Variants in KCNG3 observed in about 807,000 individuals in gnomAD.
KCNG3 encodes the protein voltage-gated potassium channel regulatory subunit KCNG3.
A neutral mutation model predicts 29.0 loss-of-function variants in KCNG3; 15 were observed. The ratio of observed to expected loss-of-function variants is 0.52; its 90% CI spans 0.35 to 0.80. The LOEUF is 0.80. Among genes scored for constraint, KCNG3 ranks in the 30% least tolerant of loss-of-function variants. The pLI is 0.01. For synonymous variants in KCNG3, 322 were observed against 248.9 expected, an observed-to-expected ratio of 1.29 and a Z score of -2.76; for missense variants, 512 against 605.7, an observed-to-expected ratio of 0.85 and a Z score of 1.62.
At chr2:42,441,779 AAT>A (rs748883001), downstream of KCNG3, among the ~76,000 whole-genome samples, 11 of 150,124 alleles carry the variant, frequency 7.3e-5, no homozygotes, top group Non-Finnish European at 1.0e-4. Context: ...GTATGTATAA[AAT>A]ATATATATAT....
chr2:42,390,477 T>C, the KCNG3 span, among the ~76,000 whole-genome samples: 1 of 152,190 alleles, frequency 6.6e-6, no homozygotes, highest in Admixed American at 6.5e-5. Flanking sequence ...TAATATTTTG[T>C]TCCTGGATGT....
chr2:42,467,876 G>A (rs911743382), intron 1 of KCNG3, among the ~76,000 whole-genome samples: 5 of 151,096 alleles, frequency 3.3e-5, no homozygotes, highest in Non-Finnish European at 7.4e-5. Context: ...GAGCTGAGGT[G>A]GGAGGATCAC....
At chr2:42,419,229 T>C in the KCNG3 span, among the ~76,000 whole-genome samples, 1 of 102,730 alleles carries the variant, frequency 9.7e-6, no homozygotes, top group Admixed American at 9.6e-5. Context: ...CTTTTTTTTT[T>C]TTTTTTTTTT....
chr2:42,472,801 T>A (rs1673321088), intron 1 of KCNG3, among the ~76,000 whole-genome samples: 1 of 150,646 alleles, frequency 6.6e-6, no homozygotes, highest in South Asian at 2.1e-4. Context: ...TCTATAGATC[T>A]ATACATATAT....
intron 1 of KCNG3, among the ~76,000 whole-genome samples, chr2:42,479,503 G>A (rs926339975): frequency 6.6e-6 from 1 of 151,778 alleles, no homozygotes; most frequent in African/African-American, 2.4e-5. Context: ...AAAATTAGCT[G>A]GGCATGGTGG....
the KCNG3 span, among the ~76,000 whole-genome samples, chr2:42,390,516 C>T: frequency 6.6e-6 from 1 of 152,112 alleles, no homozygotes; most frequent in Non-Finnish European, 1.5e-5. Context: ...ACCCAATCCC[C>T]AGGGGCAAAA....
rs1171484307 is a variant in KCNG3, at chr2:42,488,717, T to G, written c.665+4120A>C. 2.0e-5 allele frequency among the ~76,000 whole-genome samples: 3 copies of G among 151,950 alleles called. 1 individual carries two copies. The highest frequency in any genetic ancestry group is 4.4e-5 in the Non-Finnish European group (3 of 67,992). On this transcript the variant is annotated intron_variant, in intron 1 of 1. Transcript: ENST00000306078. ...GTCACCCACCACCACGCTCAGCTAA[T>G]TTTTGTATTTTTAGTAGAGACGGGG... is the stretch of plus-strand genomic sequence containing the variant.
the KCNG3 span, among the ~76,000 whole-genome samples, chr2:42,416,264 G>C: frequency 6.6e-6 from 1 of 152,128 alleles, no homozygotes; most frequent in Non-Finnish European, 1.5e-5. Context: ...ATATGTTCTG[G>C]TGTTCTACTG....
At chr2:42,397,066 G>A in the KCNG3 span, among the ~76,000 whole-genome samples, 1 of 151,994 alleles carries the variant, frequency 6.6e-6, no homozygotes, top group Non-Finnish European at 1.5e-5. Flanking sequence ...CCAACATGGC[G>A]AAAACCTGTC....
chr2:42,437,526 G>C (rs1658488335), downstream of KCNG3, among the ~76,000 whole-genome samples: 1 of 152,160 alleles, frequency 6.6e-6, no homozygotes, highest in South Asian at 2.1e-4. Context: ...TGAAAGTTAA[G>C]CCTTACACAG....
intron 1 of KCNG3, among the ~76,000 whole-genome samples, chr2:42,480,567 A>G (rs1673556195): frequency 6.6e-6 from 1 of 152,160 alleles, no homozygotes; most frequent in African/African-American, 2.4e-5. Context: ...GCTGTGTTCC[A>G]ATAAAACTTT....
chr2:42,492,086 G>C lies in KCNG3; in HGVS notation c.665+751C>G, dbSNP rs929496398. On this transcript the variant is annotated intron_variant, in intron 1 of 1. Coordinates refer to ENST00000306078, the MANE Select transcript of KCNG3 (RefSeq NM_133329.6). ...ATATTTTCCCATTCATCCTAGTAAAGTAGAAAAAAAAATTTACCCAAATAC... is the reference window on the plus strand; with the variant it reads ...ATATTTTCCCATTCATCCTAGTAAACTAGAAAAAAAAATTTACCCAAATAC... Among the ~76,000 whole-genome samples, 23 of 152,006 alleles carry C rather than the reference G, an allele frequency of 1.5e-4. 1 individual carries two copies. The highest frequency in any genetic ancestry group is 5.9e-5 in the Non-Finnish European group (4 of 67,980).
At chr2:42,469,261 AC>A (rs2103704180) in intron 1 of KCNG3, among the ~76,000 whole-genome samples, 1 of 152,048 alleles carries the variant, frequency 6.6e-6, no homozygotes, top group East Asian at 1.9e-4. Flanking sequence ...TACTAAAAAT[AC>A]AAAAATTAGC....
At chr2:42,413,712 G>A in the KCNG3 span, 2 of 152,716 alleles carry the variant, frequency 1.3e-5, no homozygotes, top group African/African-American at 4.8e-5. Flanking sequence ...TATGCAGAAG[G>A]GGAAGCAAAC....
chr2:42,436,562 T>C, the KCNG3 span, among the ~76,000 whole-genome samples: 1 of 152,238 alleles, frequency 6.6e-6, no homozygotes, highest in Non-Finnish European at 1.5e-5. Flanking sequence ...CCTTATTTCC[T>C]TCTCTGGCCA....
chr2:42,400,062 T>G, the KCNG3 span, among the ~76,000 whole-genome samples: 4 of 152,100 alleles, frequency 2.6e-5, no homozygotes, highest in Admixed American at 1.3e-4. Context: ...TGAGCCATGA[T>G]CACACCACTG....
rs1558379706 is a variant in KCNG3, at chr2:42,461,188, A to AAAC, written c.666-16610_666-16609insGTT. ...AAAACAAAACAAAACAAAACAAAAA[A>AAAC]AAAAAAAAAAAAAAAAAGGTAGACA... is the stretch of plus-strand genomic sequence containing the variant. On this transcript the variant is annotated intron_variant, in intron 1 of 1. Coordinates refer to ENST00000306078, the MANE Select transcript of KCNG3 (RefSeq NM_133329.6). Among the ~76,000 whole-genome samples the AAAC allele has an allele frequency of 6.7e-3, 961 of 144,352 alleles. 7 individuals carry two copies. Among genetic ancestry groups the AAAC allele is most frequent in the African/African-American group, 0.025 (909 of 36,432 alleles). 94.7% of individuals were successfully genotyped at this position (144,352 alleles called of 152,430 possible). A position where few individuals can be genotyped will look rare whatever the true frequency, so the allele number is the denominator to read the frequency against.
At chr2:42,430,815 A>C in the KCNG3 span, among the ~76,000 whole-genome samples, 607 of 152,270 alleles carry the variant, frequency 4.0e-3, 1 homozygote, top group African/African-American at 0.014. Context: ...CAAAAATAAA[A>C]GACCGATTTT....
At chr2:42,472,603 G>A (rs1336358398) in intron 1 of KCNG3, among the ~76,000 whole-genome samples, 2 of 150,834 alleles carry the variant, frequency 1.3e-5, no homozygotes, top group East Asian at 2.0e-4. Flanking sequence ...GGGTTCCAGC[G>A]ATTCTCCACC....
Sources: gnomAD v4.1 joint callset for allele counts (sites outside exome capture counted in the v4.1 genomes callset) on GRCh38, gnomAD v4.1.1 for gene constraint, MANE v1.5 for transcripts, NCBI Gene and HGNC (gene_info 2026-07-23, HGNC 2026-07-21) for gene names.